The following MAPK8IP3 variants were observed in gnomAD, a reference collection of about 807,000 sequenced individuals.
MAPK8IP3 encodes C-Jun-amino-terminal kinase-interacting protein 3.
A neutral mutation model predicts 157.8 loss-of-function variants in MAPK8IP3; 49 were observed. That is an observed-to-expected ratio of 0.31 (90% CI 0.25 to 0.39). MAPK8IP3 has a LOEUF of 0.39. Ranked by LOEUF, MAPK8IP3 falls within the 10% of genes least tolerant of loss-of-function variation. The probability of loss-of-function intolerance (pLI) is 1.00; values close to 1 mark genes in which losing one functional copy is unlikely to be tolerated. For synonymous variants in MAPK8IP3, 897 were observed against 777.7 expected (o/e 1.15, Z -2.55); for missense variants, 1,478 against 1,889.4 (o/e 0.78, Z 4.04).
At chr16:1,759,748 G>A (rs1262401355) in intron 10 of MAPK8IP3, among the ~76,000 whole-genome samples, 1 of 152,218 alleles carries the variant, frequency 6.6e-6, no homozygotes, top group African/African-American at 2.4e-5. Flanking sequence ...TCGGACATGA[G>A]AACCACCCCA....
At chr16:1,721,817 T>C (rs2038544078) in intron 1 of MAPK8IP3, among the ~76,000 whole-genome samples, 1 of 152,164 alleles carries the variant, frequency 6.6e-6, no homozygotes, top group Admixed American at 6.6e-5. Context: ...TCGCCCAGGC[T>C]GGAGTGCAGT....
At position 1,765,209 on chromosome 16, in the gene MAPK8IP3, G is replaced by A. The variant is rs775634432; in HGVS notation, c.2446+31G>A. Reference sequence around the variant, plus strand: ...CAGCTGGAGTGGGCGTTTCCACTCGGGCGCCACTCCCTTTTACTAGCAAGC... The same window carrying A: ...CAGCTGGAGTGGGCGTTTCCACTCGAGCGCCACTCCCTTTTACTAGCAAGC... On this transcript the variant is annotated intron_variant, in intron 20 of 31. Transcript: ENST00000610761. 8 of 1,570,022 alleles carry A rather than the reference G, an allele frequency of 5.1e-6. No homozygotes were observed. In the South Asian group the frequency reaches 9.2e-5, roughly 18 times the overall value.
intron 18 of MAPK8IP3, 33 bp downstream of exon 18, chr16:1,764,243 G>A (rs1308601796): frequency 6.2e-7 from 1 of 1,602,012 alleles, no homozygotes. Flanking sequence ...CAGGCTGGCT[G>A]GGCGAGCGGG....
At position 1,752,085 on chromosome 16, in the gene MAPK8IP3, C is replaced by T. The variant is rs77975006; in HGVS notation, c.1216+3365C>T. The T allele has an allele frequency of 6.0e-3, 921 of 152,692 alleles. 10 individuals carry two copies. Among genetic ancestry groups the T allele is most frequent in the Middle Eastern group, 0.02 (6 of 296 alleles). The allele number at this position is 152,692 out of a possible 1,614,324, so 9.5% of individuals were successfully genotyped here. On this transcript the variant is annotated intron_variant, in intron 8 of 31. Transcript: ENST00000610761. Reference sequence around the variant, plus strand: ...CCAGGGACTCTGTGGCCTGCGCATCCGCCCATCCTGTTGGCTGTGGTACCC... The same window carrying T: ...CCAGGGACTCTGTGGCCTGCGCATCTGCCCATCCTGTTGGCTGTGGTACCC...
In MAPK8IP3 at chr16:1,706,719, C is replaced by CACCCCGACTCCCGG; in HGVS notation, c.318+62_318+63insACCCCGACTCCCGG. 3 of 1,464,824 alleles carry CACCCCGACTCCCGG rather than the reference C, an allele frequency of 2.0e-6. No individual in the cohort carries two copies. The highest frequency in any genetic ancestry group is 1.8e-6 in the Non-Finnish European group (2 of 1,104,416). The allele number at this position is 1,464,824 out of a possible 1,614,324, so 90.7% of individuals were successfully genotyped here. On this transcript the variant is annotated intron_variant, in intron 1 of 31. Transcript: ENST00000610761. The surrounding 1 kb of genome is among the most constrained non-coding windows in gnomAD (Gnocchi z 5.1). ...CGGACCCCCAGCCAGCCCCGGGCCC[C>CACCCCGACTCCCGG]GGACCCAACACCCGTCCCGACCCCA...
chr16:1,708,364 G>A (rs1432087481), intron 1 of MAPK8IP3, among the ~76,000 whole-genome samples: 1 of 152,214 alleles, frequency 6.6e-6, no homozygotes, highest in East Asian at 1.9e-4. Flanking sequence ...CCCCTGTGCT[G>A]GGCACCGCCC....
chr16:1,759,824 C>G (rs377009190), intron 10 of MAPK8IP3, 134 bp from the exon 11 acceptor site: 1 of 760,148 alleles, frequency 1.3e-6, no homozygotes. Context: ...TCACGGCCCC[C>G]GCTCCCTGTA....
Position 1,768,272 on chromosome 16 carries a change from C to T in MAPK8IP3, c.3636C>T (p.Ser1212=), listed in dbSNP as rs986013511. The change falls in exon 30 of 32, where the codon AGC becomes AGT. Residue 1212 remains serine (S), a synonymous_variant. Coordinates refer to ENST00000610761, the MANE Select transcript of MAPK8IP3 (RefSeq NM_001318852.2). ...GGIIHVYGDD[S]SDRAASSFIP... is the part of the protein sequence containing the mutation. ...TCATCCACGTGTATGGCGATGACAG[C>T]AGTGACAGGGCGGCCAGCAGCTTCA... is the stretch of plus-strand genomic sequence containing the variant. 3 of 1,611,942 alleles carry T rather than the reference C, an allele frequency of 1.9e-6. No homozygotes were observed. Among genetic ancestry groups the T allele is most frequent in the South Asian group, 1.1e-5 (1 of 91,088 alleles).
At chr16:1,765,886 C>G in intron 20 of MAPK8IP3, 74 bp from the exon 21 acceptor site, 1 of 1,384,754 alleles carries the variant, frequency 7.2e-7, no homozygotes, top group Non-Finnish European at 9.9e-7. Context: ...TCCTCTGCCC[C>G]TGTGTAAGTG....
At chr16:1,740,149 CGT>C (rs1291917574) in intron 4 of MAPK8IP3, among the ~76,000 whole-genome samples, 1 of 124,620 alleles carries the variant, frequency 8.0e-6, no homozygotes, top group Admixed American at 8.7e-5. Flanking sequence ...TGTGAGCTTC[CGT>C]GTGACCGTCC....
At chr16:1,733,755 A>G (rs1245560365) in intron 4 of MAPK8IP3, among the ~76,000 whole-genome samples, 3 of 152,128 alleles carry the variant, frequency 2.0e-5, no homozygotes, top group Non-Finnish European at 4.4e-5. Flanking sequence ...CCTGAAGGCT[A>G]TGTCAGGGCT....
chr16:1,768,889 C>CGCGGGG lies in MAPK8IP3; in HGVS notation c.*66_*71dup. 6.3e-7 allele frequency: 1 copy of CGCGGGG among 1,575,552 alleles called. No homozygotes were observed. ...CCGACCACCTGACCCCCGCCCGGCC[C>CGCGGGG]GCGGGGTAGCCAGCCAGGCGCCGCC... is the stretch of plus-strand genomic sequence containing the variant. On this transcript the variant is annotated 3_prime_UTR_variant, in exon 32 of 32. Transcript: ENST00000610761.
In MAPK8IP3 at chr16:1,747,219, G is replaced by T; in HGVS notation, c.938G>T (p.Arg313Leu). The change falls in exon 6 of 32, where the codon CGC becomes CTC. Residue 313 changes from arginine to leucine, a missense_variant. Physicochemically the swap from Arg to Leu is moderately radical, Grantham distance 102. This residue lies in a region of MAPK8IP3 where 315 missense variants were observed against 394.4 expected (regional missense o/e 0.80). Coordinates refer to ENST00000610761, the MANE Select transcript of MAPK8IP3 (RefSeq NM_001318852.2). ...SKNSKRAREK[R>L]DSRNMEVQVT... is the part of the protein sequence containing the mutation. ...AACAGCAAGCGTGCCCGGGAGAAGC[G>T]CGACAGCCGCAACATGGAAGTACAG... 3 of 1,613,718 alleles carry T rather than the reference G, an allele frequency of 1.9e-6. No individual in the cohort carries two copies. Among genetic ancestry groups the T allele is most frequent in the Non-Finnish European group, 2.5e-6 (3 of 1,180,022 alleles).
chr16:1,739,293 CCTGTGACCGTCCGTGTGAGT>C (rs1567172335), intron 4 of MAPK8IP3, among the ~76,000 whole-genome samples: 3 of 106,164 alleles, frequency 2.8e-5, no homozygotes, highest in African/African-American at 1.2e-4. Flanking sequence ...TCCATGTGAG[CCTGTGACCGTCCGTGTGAGT>C]GTGTGACCAT....
chr16:1,761,607 A>G (rs1321093334), intron 13 of MAPK8IP3, among the ~76,000 whole-genome samples: 5 of 136,832 alleles, frequency 3.7e-5, no homozygotes, highest in East Asian at 4.4e-4. Context: ...AGCGGCCACC[A>G]TTCACCATTC....
chr16:1,731,646 G>C (rs2039324060), intron 4 of MAPK8IP3, among the ~76,000 whole-genome samples: 1 of 152,208 alleles, frequency 6.6e-6, no homozygotes, highest in South Asian at 2.1e-4. Context: ...AACTGACCAG[G>C]ATGCATTGCT....
At position 1,767,848 on chromosome 16, in the gene MAPK8IP3, G is replaced by A. The variant is rs777082475; in HGVS notation, c.3453G>A (p.Leu1151=). The change falls in exon 28 of 32, where the codon CTG becomes CTA. Residue 1151 remains leucine (L), a synonymous_variant. Coordinates refer to ENST00000610761, the MANE Select transcript of MAPK8IP3 (RefSeq NM_001318852.2). ...LGFSFVRITA[L]LVAGSRLWVG... ...TCTCCTTCGTACGCATCACGGCCCTGCTTGTCGCGGGCAGCCGGCTCTGGG... is the reference window on the plus strand; with the variant it reads ...TCTCCTTCGTACGCATCACGGCCCTACTTGTCGCGGGCAGCCGGCTCTGGG... The A allele has an allele frequency of 1.7e-5, 27 of 1,611,250 alleles. No individual in the cohort carries two copies. The East Asian group carries it at 5.8e-4, about 35-fold the overall frequency.
rs2038712998 is a variant in MAPK8IP3, at chr16:1,724,145, T to C, written c.319-412T>C. Among the ~76,000 whole-genome samples, 1 of 152,222 alleles carries C rather than the reference T, an allele frequency of 6.6e-6. No homozygotes were observed. Among genetic ancestry groups the C allele is most frequent in the Admixed American group, 6.5e-5 (1 of 15,284 alleles). On this transcript the variant is annotated intron_variant, in intron 1 of 31. Transcript: ENST00000610761. The surrounding 1 kb of genome is among the most constrained non-coding windows in gnomAD (Gnocchi z 4.1). Reference sequence around the variant, plus strand: ...CAGTGTAAAAATGGAAACACAGGGCTCTATGTTCAAAAATTAGCAACATTT... The same window carrying C: ...CAGTGTAAAAATGGAAACACAGGGCCCTATGTTCAAAAATTAGCAACATTT...
Position 1,747,014 on chromosome 16 carries a change from T to C in MAPK8IP3, c.748-15T>C, listed in dbSNP as rs1237447632. 2.5e-6 allele frequency: 4 copies of C among 1,611,606 alleles called. No individual in the cohort carries two copies. The African/African-American group carries it at 5.3e-5, about 22-fold the overall frequency. ...GCAGTGACTCGCTCTCCCTCCTCCCTGTGTTTGGCCTTAGTGTCCACAGGA... is the reference window on the plus strand; with the variant it reads ...GCAGTGACTCGCTCTCCCTCCTCCCCGTGTTTGGCCTTAGTGTCCACAGGA... On this transcript the variant is annotated splice_polypyrimidine_tract_variant and intron_variant, in intron 5 of 31. Coordinates refer to ENST00000610761, the MANE Select transcript of MAPK8IP3 (RefSeq NM_001318852.2).
Sources: allele counts gnomAD v4.1 joint callset (sites outside exome capture counted in the v4.1 genomes callset), GRCh38; gene constraint gnomAD v4.1.1; regional missense constraint gnomAD v4.1.1; non-coding constraint Gnocchi (gnomAD v3.1); transcripts MANE v1.5; gene names NCBI Gene and HGNC (gene_info 2026-07-23, HGNC 2026-07-21).